The following ABCA4 variants were observed in gnomAD, a reference collection of about 807,000 sequenced individuals.
The protein encoded by ABCA4 is retinal-specific phospholipid-transporting ATPase ABCA4.
In ABCA4, 196 loss-of-function variants were observed where a neutral mutation model predicts 263.7. That is an observed-to-expected ratio of 0.74 (90% confidence interval 0.66 to 0.84). ABCA4 has a LOEUF of 0.84. Among genes scored for constraint, ABCA4 ranks in the 40% least tolerant of loss-of-function variants. The pLI is 0.00. For missense variants in ABCA4, 2,792 were observed against 2,855.1 expected, an observed-to-expected ratio of 0.98 and a Z score of 0.50; for synonymous variants, 1,133 against 1,094.2, an observed-to-expected ratio of 1.04 and a Z score of -0.70.
At chr1:94,052,887 T>C (rs906620520) in intron 16 of ABCA4, among the ~76,000 whole-genome samples, 1 of 152,178 alleles carries the variant, frequency 6.6e-6, no homozygotes, top group Non-Finnish European at 1.5e-5. Context: ...ACATCTGAGT[T>C]TATGCTAATG....
intron 11 of ABCA4, among the ~76,000 whole-genome samples, chr1:94,075,457 C>T (rs1174217882): frequency 6.6e-6 from 1 of 152,206 alleles, no homozygotes; most frequent in African/African-American, 2.4e-5. Context: ...GCTGTCATGA[C>T]TGGCACCTTC....
At chr1:93,996,024 T>G in intron 49 of ABCA4, 85 bp downstream of exon 49, 1 of 1,300,422 alleles carries the variant, frequency 7.7e-7, no homozygotes, top group Non-Finnish European at 1.1e-6. Context: ...ATCTGAGCCT[T>G]GGAGCAACTC....
chr1:94,006,783 G>A (rs1659401479), intron 43 of ABCA4, among the ~76,000 whole-genome samples: 1 of 152,186 alleles, frequency 6.6e-6, no homozygotes, highest in Non-Finnish European at 1.5e-5. Flanking sequence ...CAGGAGAGAG[G>A]AAGAGGCCCC....
chr1:93,998,021 T>C lies in ABCA4; in HGVS notation c.6569A>G (p.Gln2190Arg), dbSNP rs1659058438. 1 of 1,614,088 alleles carries C rather than the reference T, an allele frequency of 6.2e-7. No individual in the cohort carries two copies. Residue 2190 changes from glutamine (Q) to arginine (R), a missense_variant, in exon 48 of 50, where the codon CAG becomes CGG. By Grantham distance (43) the Gln-to-Arg change is conservative (BLOSUM62 1). Coordinates refer to ENST00000370225, the MANE Select transcript of ABCA4 (RefSeq NM_000350.3). ...CTGCACACTGCCTGGGAAGTTCCCC[T>C]GGAAGAACTGCTCCACAGGGTTCAG... ...PDLNPVEQFF[Q>R]GNFPGSVQRE...
chr1:94,054,708 G>A (rs1660926694), intron 16 of ABCA4, among the ~76,000 whole-genome samples: 1 of 152,192 alleles, frequency 6.6e-6, no homozygotes, highest in Non-Finnish European at 1.5e-5. Context: ...GCCGGATAAT[G>A]AAGCAGCTTG....
At chr1:94,039,491 T>C (rs985493308) in intron 24 of ABCA4, among the ~76,000 whole-genome samples, 1 of 152,236 alleles carries the variant, frequency 6.6e-6, no homozygotes, top group Non-Finnish European at 1.5e-5. Context: ...GCCTCTCCAC[T>C]GCAGCTCCTT....
At chr1:94,008,047 T>G (rs1325803517) in intron 42 of ABCA4, among the ~76,000 whole-genome samples, 188 bp downstream of exon 42, 2 of 152,236 alleles carry the variant, frequency 1.3e-5, no homozygotes, top group Non-Finnish European at 2.9e-5. Flanking sequence ...TAAAAAATAC[T>G]AATGAAATTA....
intron 18 of ABCA4, among the ~76,000 whole-genome samples, 162 bp from the exon 19 acceptor site, chr1:94,047,255 A>G (rs1660711844): frequency 6.6e-6 from 1 of 152,226 alleles, no homozygotes; most frequent in African/African-American, 2.4e-5. Context: ...TAGTAATACT[A>G]GCATCAAACG....
chr1:93,993,251 G>A lies in ABCA4; in HGVS notation c.6817-9C>T. The A allele has an allele frequency of 1.2e-6, 2 of 1,613,880 alleles. No homozygotes were observed. Among genetic ancestry groups the A allele is most frequent in the Non-Finnish European group, 1.7e-6 (2 of 1,179,834 alleles). On this transcript the variant is annotated splice_polypyrimidine_tract_variant and intron_variant, in intron 49 of 49. Coordinates refer to ENST00000370225, the MANE Select transcript of ABCA4 (RefSeq NM_000350.3). ...GGTGTGAAAGATCAGTCCTGTGGAA[G>A]GAGATCACATGGACTCGCGTCATCT... is the stretch of plus-strand genomic sequence containing the variant.
chr1:94,079,058 C>T (rs1358691430), intron 9 of ABCA4, among the ~76,000 whole-genome samples: 1 of 152,106 alleles, frequency 6.6e-6, no homozygotes, highest in Non-Finnish European at 1.5e-5. Flanking sequence ...AATTGTGAAC[C>T]CTTCCATTAG....
intron 18 of ABCA4, among the ~76,000 whole-genome samples, chr1:94,047,637 T>C (rs1428232818): frequency 2.0e-5 from 3 of 152,220 alleles, no homozygotes; most frequent in Non-Finnish European, 2.9e-5. Flanking sequence ...GATTCTCCCA[T>C]GACCTTTTCT....
At chr1:94,049,290 C>T (rs537420399) in intron 17 of ABCA4, among the ~76,000 whole-genome samples, 67 of 152,276 alleles carry the variant, frequency 4.4e-4, no homozygotes, top group African/African-American at 1.4e-3. Flanking sequence ...ACATTTTACT[C>T]CAATACAAAA....
intron 6 of ABCA4, among the ~76,000 whole-genome samples, chr1:94,084,852 A>G (rs1445161617): frequency 6.6e-6 from 1 of 152,176 alleles, no homozygotes; most frequent in Middle Eastern, 3.2e-3. Flanking sequence ...TTTCCATACA[A>G]GGGTGGGGCT....
chr1:93,999,370 T>A (rs1659111842), intron 47 of ABCA4, among the ~76,000 whole-genome samples: 1 of 152,204 alleles, frequency 6.6e-6, no homozygotes, highest in African/African-American at 2.4e-5. Context: ...TAGCCCAGTG[T>A]GGGGATCCCA....
chr1:94,119,415 A>G (rs1662886998), intron 1 of ABCA4, among the ~76,000 whole-genome samples: 1 of 152,148 alleles, frequency 6.6e-6, no homozygotes, highest in Non-Finnish European at 1.5e-5. Flanking sequence ...TTTTGGAGCC[A>G]TCCATGCGCA....
intron 15 of ABCA4, 109 bp from the exon 16 acceptor site, chr1:94,055,424 G>T: frequency 1.9e-6 from 2 of 1,064,166 alleles, no homozygotes; most frequent in Non-Finnish European, 2.8e-6. Context: ...GGTCCCCATT[G>T]TCTCTCAGTG....
chr1:94,037,228 C>T lies in ABCA4; in HGVS notation c.3730G>A (p.Ala1244Thr), dbSNP rs374303695. 13 of 1,614,098 alleles carry T rather than the reference C, an allele frequency of 8.1e-6. No homozygotes were observed. In the African/African-American group the frequency reaches 1.7e-4, roughly 22 times the overall value. The part of the protein sequence containing the change: ...PNKNFKHRAY[A>T]SLFRELEETL... ...TCCTCCAGCTCTCTGAAAAGGCTGG[C>T]ATATGCTCTGTGCTTGAAGTTCTTA... The change falls in exon 25 of 50, where the codon GCC becomes ACC. Residue 1244 changes from alanine (A) to threonine (T), a missense_variant. Ala to Thr is a moderately conservative substitution (Grantham distance 58). Transcript: ENST00000370225.
chr1:94,075,118 A>G (rs1436967172), intron 11 of ABCA4, among the ~76,000 whole-genome samples: 1 of 152,194 alleles, frequency 6.6e-6, no homozygotes, highest in Admixed American at 6.5e-5. Context: ...CAATGAGAAC[A>G]CATGGACACA....
intron 38 of ABCA4, among the ~76,000 whole-genome samples, chr1:94,013,002 C>T (rs1292753837): frequency 1.3e-5 from 2 of 150,174 alleles, no homozygotes; most frequent in Non-Finnish European, 2.9e-5. Flanking sequence ...CATGAAAATA[C>T]CAGGTTTTTG....
Sources: allele counts gnomAD v4.1 joint callset (sites outside exome capture counted in the v4.1 genomes callset), GRCh38; gene constraint gnomAD v4.1.1; transcripts MANE v1.5; gene names NCBI Gene and HGNC (gene_info 2026-07-23, HGNC 2026-07-21).